OPLAH: variants seen among roughly 807,000 people sequenced by gnomAD.
OPLAH encodes the protein 5-oxoprolinase.
In OPLAH, 103 loss-of-function variants were observed where a neutral mutation model predicts 122.8. That is an observed-to-expected ratio of 0.84 (90% CI 0.71 to 0.99). The LOEUF is 0.99. Among genes scored for constraint, OPLAH ranks in the 50% least tolerant of loss-of-function variants. The pLI is 0.00. For missense variants in OPLAH, 1,902 were observed against 1,836.5 expected (o/e 1.04, Z -0.65); for synonymous variants, 875 against 796.0 (o/e 1.10, Z -1.67).
At chr8:144,058,212 C>G (rs376334377) in intron 7 of OPLAH, 27 bp downstream of exon 7, 20 of 1,604,154 alleles carry the variant, frequency 1.2e-5, no homozygotes, top group South Asian at 2.2e-5. Context: ...TGAGCCTCCC[C>G]GAGACCCCAG....
chr8:144,055,120 C>A lies in OPLAH; in HGVS notation c.2318G>T (p.Cys773Phe), dbSNP rs1835480809. Residue 773 changes from cysteine (C) to phenylalanine (F), a missense_variant, in exon 17 of 27, where the codon TGT becomes TTT. Around this residue, in one of 3 missense-constraint regions of OPLAH, gnomAD observed 1,726 missense variants for 1,642.1 expected, o/e 1.05. Coordinates refer to ENST00000618853, the MANE Select transcript of OPLAH (RefSeq NM_017570.5). The surrounding 1 kb of genome is among the most constrained non-coding windows in gnomAD (Gnocchi z 6.5). The stretch of plus-strand genomic sequence containing the variant: ...CCCCCCATCGGGCCCAAAGAGGGCA[C>A]AGGAGAAGTCCAGACGCTCCTTGAT... Reference protein sequence around the residue: ...TNIKERLDFSCALFGPDGGLV... With the variant: ...TNIKERLDFSFALFGPDGGLV... 2 of 1,588,388 alleles carry A rather than the reference C, an allele frequency of 1.3e-6. No individual in the cohort carries two copies. Among genetic ancestry groups the A allele is most frequent in the Non-Finnish European group, 1.7e-6 (2 of 1,167,646 alleles).
In OPLAH at chr8:144,058,228, G is replaced by A. The variant is rs527293473; in HGVS notation, c.949+11C>T. The A allele has an allele frequency of 2.3e-5, 37 of 1,605,252 alleles. No homozygotes were observed. Among genetic ancestry groups the A allele is most frequent in the African/African-American group, 4.0e-5 (3 of 74,840 alleles). ...GAGCCTCCCCGAGACCCCAGCCCTCGGCCCTCATACCTCCCATGTCAAAGC... is the reference window on the plus strand; with the variant it reads ...GAGCCTCCCCGAGACCCCAGCCCTCAGCCCTCATACCTCCCATGTCAAAGC... On this transcript the variant is annotated intron_variant, in intron 7 of 26. Transcript: ENST00000618853.
Position 144,052,825 on chromosome 8 carries a change from G to T in OPLAH, c.3094C>A (p.Leu1032Met). Residue 1032 changes from leucine (L) to methionine (M), a missense_variant, in exon 22 of 27, where the codon CTG becomes ATG. Transcript: ENST00000618853. ...GNLNAPRAVT[L>M]SALIYCLRCL... ...CGCAGGCAGTAGATGAGGGCGGACA[G>T]GGTTACGGCCCGCGGTGCGTTGAGA... The T allele has an allele frequency of 6.4e-7, 1 of 1,559,388 alleles. No individual in the cohort carries two copies. The highest frequency in any genetic ancestry group is 8.7e-7 in the Non-Finnish European group (1 of 1,152,628).
At position 144,058,140 on chromosome 8, in the gene OPLAH, TG is replaced by T; in HGVS notation, c.957del (p.Thr320ArgfsTer3). 1 of 1,612,306 alleles carries T rather than the reference TG, an allele frequency of 6.2e-7. No individual in the cohort carries two copies. The highest frequency in any genetic ancestry group is 8.5e-7 in the Non-Finnish European group (1 of 1,179,746). ...TCCCCAGCATAGCGGCTCACATCCGTGGACGTGCCTGGCAGGGGTGGGGTGC... is the reference window on the plus strand; with the variant it reads ...TCCCCAGCATAGCGGCTCACATCCGTGACGTGCCTGGCAGGGGTGGGGTGC... Reference protein sequence around the residue: ...PVIGFDMGGTSTDVSRYAGEF... With the variant: ...PVIGFDMGGTXTDVSRYAGEF... On this transcript the variant is annotated frameshift_variant, in exon 8 of 27. Transcript: ENST00000618853. LOFTEE classifies it high-confidence loss of function.
Position 144,056,131 on chromosome 8 carries a change from C to G in OPLAH, c.2096+16G>C, listed in dbSNP as rs1554758946. On this transcript the variant is annotated intron_variant, in intron 15 of 26. Coordinates refer to ENST00000618853, the MANE Select transcript of OPLAH (RefSeq NM_017570.5). ...GACCCGTCCACATCCTCCACCCTGGCCGGACTTCAGCCCACCTGTTACTGT... is the reference window on the plus strand; with the variant it reads ...GACCCGTCCACATCCTCCACCCTGGGCGGACTTCAGCCCACCTGTTACTGT... 6.3e-7 allele frequency: 1 copy of G among 1,597,634 alleles called. No individual in the cohort carries two copies. Among genetic ancestry groups the G allele is most frequent in the Admixed American group, 1.7e-5 (1 of 59,680 alleles).
Position 144,059,081 on chromosome 8 carries a change from T to G in OPLAH, c.364-2A>C. On this transcript the variant is annotated splice_acceptor_variant, in intron 3 of 26. Transcript: ENST00000618853. LOFTEE classifies it high-confidence loss of function. Reference sequence around the variant, plus strand: ...CAGCACCTCAGGCATGGGCACGGCCTGGGGGCGGGCAGAGACTCAGAAGAG... The same window carrying G: ...CAGCACCTCAGGCATGGGCACGGCCGGGGGGCGGGCAGAGACTCAGAAGAG... 6.4e-7 allele frequency: 1 copy of G among 1,574,260 alleles called. No individual in the cohort carries two copies. Among genetic ancestry groups the G allele is most frequent in the South Asian group, 1.2e-5 (1 of 85,794 alleles).
In OPLAH at chr8:144,058,914, G is replaced by GCCC; in HGVS notation, c.464-19_464-18insGGG. The GCCC allele has an allele frequency of 1.3e-6, 2 of 1,550,168 alleles. No individual in the cohort carries two copies. Among genetic ancestry groups the GCCC allele is most frequent in the Non-Finnish European group, 1.7e-6 (2 of 1,146,418 alleles). On this transcript the variant is annotated intron_variant, in intron 4 of 26. Transcript: ENST00000618853. ...CGTGCGGCCTTCCAGAAAAGCCCAGGAGGCCCCGTTAAAGGCCAGCAGGAC... is the reference window on the plus strand; with the variant it reads ...CGTGCGGCCTTCCAGAAAAGCCCAGGCCCAGGCCCCGTTAAAGGCCAGCAGGAC...
In OPLAH at chr8:144,054,850, C is replaced by G; in HGVS notation, c.2473G>C (p.Gly825Arg). ...GTCAGGTCTGGCAGGTGGCTGCCCC[C>G]GGCACTGGGATGGTTGCTCAGTAGC... ...DVLLSNHPSA[G>R]GSHLPDLTVI... The change falls in exon 18 of 27, where the codon GGG becomes CGG. Residue 825 changes from glycine (G) to arginine (R), a missense_variant. Physicochemically the swap from Gly to Arg is moderately radical, Grantham distance 125 (BLOSUM62 -2). Around this residue, in one of 3 missense-constraint regions of OPLAH, gnomAD observed 1,726 missense variants for 1,642.1 expected, o/e 1.05. Transcript: ENST00000618853. 1 of 1,612,048 alleles carries G rather than the reference C, an allele frequency of 6.2e-7. No homozygotes were observed. Among genetic ancestry groups the G allele is most frequent in the South Asian group, 1.1e-5 (1 of 91,048 alleles).
In OPLAH at chr8:144,055,242, C is replaced by G. The variant is rs558230810; in HGVS notation, c.2249-53G>C. 1.3e-5 allele frequency: 20 copies of G among 1,481,616 alleles called. No individual in the cohort carries two copies. In the East Asian group the frequency reaches 4.5e-4, roughly 33 times the overall value. The allele number at this position is 1,481,616 out of a possible 1,614,324, so 91.8% of individuals were successfully genotyped here. A position where few individuals can be genotyped will look rare whatever the true frequency, so the allele number is the denominator to read the frequency against. ...TGGCCCCACCCACCCACAGCCTGGCCCCAGGAAAGGGAGGAACAGGACCCA... is the reference window on the plus strand; with the variant it reads ...TGGCCCCACCCACCCACAGCCTGGCGCCAGGAAAGGGAGGAACAGGACCCA... On this transcript the variant is annotated intron_variant, in intron 16 of 26. Coordinates refer to ENST00000618853, the MANE Select transcript of OPLAH (RefSeq NM_017570.5). This position sits in a 1 kb window ranked among gnomAD's most constrained non-coding sequence, Gnocchi z 6.5.
chr8:144,054,144 G>A (rs1554758369), intron 19 of OPLAH, among the ~76,000 whole-genome samples: 1 of 151,368 alleles, frequency 6.6e-6, no homozygotes, highest in African/African-American at 2.4e-5. Flanking sequence ...AGCCCTTCAC[G>A]GCCACCCACC....
chr8:144,060,235 G>A lies in OPLAH; in HGVS notation c.-53-150C>T, dbSNP rs1383877548. Reference sequence around the variant, plus strand: ...GCAGGCCCAGCTCCGAGGGCAGCCTGGGCCCGAGCGAGAGCCTGGCCGGCG... The same window carrying A: ...GCAGGCCCAGCTCCGAGGGCAGCCTAGGCCCGAGCGAGAGCCTGGCCGGCG... On this transcript the variant is annotated intron_variant, in intron 1 of 26. Coordinates refer to ENST00000618853, the MANE Select transcript of OPLAH (RefSeq NM_017570.5). 6.3e-6 allele frequency: 4 copies of A among 635,416 alleles called. No homozygotes were observed. The African/African-American group carries it at 7.4e-5, about 12-fold the overall frequency. 39.4% of individuals were successfully genotyped at this position (635,416 alleles called of 1,614,324 possible).
In OPLAH at chr8:144,056,190, C is replaced by T. The variant is rs781896557; in HGVS notation, c.2053G>A (p.Gly685Arg). The stretch of plus-strand genomic sequence containing the variant: ...AGGCAGGGCCCATGGAGCTTGTGCC[C>T]ATAGCCCAGCTCTGCCAGCAGGTAC... ...PVYLLAELGY[G>R]HKLHGPCLII... The change falls in exon 15 of 27, where the codon GGG becomes AGG. Residue 685 changes from glycine (G) to arginine (R), a missense_variant. By Grantham distance (125) the Gly-to-Arg change is moderately radical. Coordinates refer to ENST00000618853, the MANE Select transcript of OPLAH (RefSeq NM_017570.5). 4 of 1,612,050 alleles carry T rather than the reference C, an allele frequency of 2.5e-6. No homozygotes were observed. Among genetic ancestry groups the T allele is most frequent in the South Asian group, 2.2e-5 (2 of 91,062 alleles).
chr8:144,061,555 G>T (rs1401957737), upstream of OPLAH, among the ~76,000 whole-genome samples: 1 of 151,968 alleles, frequency 6.6e-6, no homozygotes, highest in Admixed American at 6.6e-5. Flanking sequence ...TGATAAAACA[G>T]GTTGCAGTAA....
Position 144,058,412 on chromosome 8 carries a change from C to T in OPLAH, c.784-8G>A, listed in dbSNP as rs1372726813. On this transcript the variant is annotated splice_polypyrimidine_tract_variant and splice_region_variant and intron_variant, in intron 6 of 26. Coordinates refer to ENST00000618853, the MANE Select transcript of OPLAH (RefSeq NM_017570.5). Reference sequence around the variant, plus strand: ...GAACAACACCTGCACATCCTGCGAGCGGGCAGCAGGCGGGCCATGAGGGGC... The same window carrying T: ...GAACAACACCTGCACATCCTGCGAGTGGGCAGCAGGCGGGCCATGAGGGGC... 14 of 1,586,604 alleles carry T rather than the reference C, an allele frequency of 8.8e-6. No individual in the cohort carries two copies. Among genetic ancestry groups the T allele is most frequent in the Middle Eastern group, 1.7e-4 (1 of 5,916 alleles).
In OPLAH at chr8:144,056,532, C is replaced by G; in HGVS notation, c.1845-9G>C. The G allele has an allele frequency of 6.2e-7, 1 of 1,612,142 alleles. No individual in the cohort carries two copies. The highest frequency in any genetic ancestry group is 8.5e-7 in the Non-Finnish European group (1 of 1,179,644). On this transcript the variant is annotated splice_polypyrimidine_tract_variant and intron_variant, in intron 13 of 26. Coordinates refer to ENST00000618853, the MANE Select transcript of OPLAH (RefSeq NM_017570.5). ...CAAACTCCCTCATGTACCTGCACTC[C>G]CCGCGGGGACCCAAGGAGTGGTCAG...
At chr8:144,062,991 C>T (rs1376364589), upstream of OPLAH, among the ~76,000 whole-genome samples, 1 of 152,090 alleles carries the variant, frequency 6.6e-6, no homozygotes, top group Non-Finnish European at 1.5e-5. Flanking sequence ...GCTCAGGCCT[C>T]CCTTGGCTGC....
At chr8:144,061,184 C>T (rs1179918895), upstream of OPLAH, among the ~76,000 whole-genome samples, 1 of 152,262 alleles carries the variant, frequency 6.6e-6, no homozygotes, top group African/African-American at 2.4e-5. Flanking sequence ...ACCAGAGCAA[C>T]TCCATCTTGA....
Position 144,057,099 on chromosome 8 carries a change from C to A in OPLAH, c.1555G>T (p.Ala519Ser). ...ACGTCAGCCAGGGCCAGCCCCAGGG[C>A]CGACAGCAGCCCACTGTGCCTGCAG... is the stretch of plus-strand genomic sequence containing the variant. Reference protein sequence around the residue: ...HIHRHSGLLSALGLALADVVH... With the variant: ...HIHRHSGLLSSLGLALADVVH... Residue 519 changes from alanine (A) to serine (S), a missense_variant, in exon 12 of 27, where the codon GCC (alanine) becomes TCC (serine). Physicochemically the swap from Ala to Ser is moderately conservative, Grantham distance 99. Around this residue, in one of 3 missense-constraint regions of OPLAH, gnomAD observed 1,726 missense variants for 1,642.1 expected, o/e 1.05. Transcript: ENST00000618853. 2 of 1,600,712 alleles carry A rather than the reference C, an allele frequency of 1.2e-6. No homozygotes were observed. Among genetic ancestry groups the A allele is most frequent in the Non-Finnish European group, 1.7e-6 (2 of 1,174,744 alleles).
chr8:144,056,863 C>T (rs1213930791), intron 12 of OPLAH, 85 bp downstream of exon 12: 1 of 1,515,804 alleles, frequency 6.6e-7, no homozygotes, highest in African/African-American at 1.4e-5. Flanking sequence ...CCCGGGACCA[C>T]CTGGGAAGTC....
Sources: allele counts gnomAD v4.1 joint callset (sites outside exome capture counted in the v4.1 genomes callset), GRCh38; gene constraint gnomAD v4.1.1; regional missense constraint gnomAD v4.1.1; non-coding constraint Gnocchi (gnomAD v3.1); transcripts MANE v1.5; gene names NCBI Gene and HGNC (gene_info 2026-07-23, HGNC 2026-07-21).